The following RELT variants were observed in gnomAD, a reference collection of about 807,000 sequenced individuals.
RELT encodes RELT TNF receptor.
A neutral mutation model predicts 51.1 loss-of-function variants in RELT; 37 were observed. That is an observed-to-expected ratio of 0.72 (90% CI 0.56 to 0.95). The LOEUF is 0.95. Among genes scored for constraint, RELT ranks in the 40% least tolerant of loss-of-function variants. The pLI is 0.00. For synonymous variants in RELT, 241 were observed against 235.7 expected (o/e 1.02, Z -0.21); for missense variants, 535 against 572.6 (o/e 0.93, Z 0.67).
At chr11:73,391,389 C>T (rs946074487) in intron 5 of RELT, among the ~76,000 whole-genome samples, 166 bp downstream of exon 5, 6 of 152,194 alleles carry the variant, frequency 3.9e-5, no homozygotes, top group East Asian at 1.9e-4. Flanking sequence ...CACAGTCAGC[C>T]GCTCCCCTGG....
chr11:73,393,368 C>T (rs1033428147), intron 6 of RELT: 9 of 1,138,284 alleles, frequency 7.9e-6, no homozygotes, highest in Middle Eastern at 8.3e-4. Context: ...CCCATTCTCA[C>T]ACCCTTGAGA....
chr11:73,393,991 C>G, intron 7 of RELT, 74 bp downstream of exon 7: 1 of 1,433,440 alleles, frequency 7.0e-7, no homozygotes, highest in Admixed American at 1.7e-5. Flanking sequence ...GAGGCAGCCG[C>G]GGTGGGCAGA....
chr11:73,391,298 C>T, intron 5 of RELT, 75 bp downstream of exon 5: 1 of 1,375,504 alleles, frequency 7.3e-7, no homozygotes, highest in Non-Finnish European at 1.0e-6. Context: ...GCCCAGCAGC[C>T]TCTGCAGTGT....
chr11:73,380,709 G>A (rs1004044975), intron 1 of RELT, among the ~76,000 whole-genome samples: 2 of 152,200 alleles, frequency 1.3e-5, no homozygotes, highest in Admixed American at 1.3e-4. Flanking sequence ...GGCTGGGCGG[G>A]ACCTGACTAC....
chr11:73,391,044 C>T, intron 4 of RELT, 100 bp from the exon 5 acceptor site: 1 of 1,523,802 alleles, frequency 6.6e-7, no homozygotes. Flanking sequence ...TGGGATGGGG[C>T]AGGACCACGG....
At chr11:73,389,645 A>G (rs1010667836) in intron 2 of RELT, among the ~76,000 whole-genome samples, 2 of 152,220 alleles carry the variant, frequency 1.3e-5, no homozygotes, top group Non-Finnish European at 2.9e-5. Flanking sequence ...GCAAGTCCAC[A>G]TTACAGACTT....
Position 73,394,166 on chromosome 11 carries a change from C to T in RELT, c.707-70C>T. 1 of 1,418,908 alleles carries T rather than the reference C, an allele frequency of 7.0e-7. No homozygotes were observed. Among genetic ancestry groups the T allele is most frequent in the South Asian group, 1.2e-5 (1 of 81,212 alleles). The allele number at this position is 1,418,908 out of a possible 1,614,324, so 87.9% of individuals were successfully genotyped here. ...GTATGGAGGGTAGGTGGGGGGTTCT[C>T]TGCTGGGGCAGGGGGTGGGAGGTGT... On this transcript the variant is annotated intron_variant, in intron 7 of 10. Coordinates refer to ENST00000064780, the MANE Select transcript of RELT (RefSeq NM_152222.2). This position sits in a 1 kb window ranked among gnomAD's most constrained non-coding sequence, Gnocchi z 4.9.
At chr11:73,393,345 C>A in intron 6 of RELT, 1 of 1,119,736 alleles carries the variant, frequency 8.9e-7, no homozygotes, top group South Asian at 2.1e-5. Context: ...GGGCCCAGGG[C>A]TGATCATCGT....
In RELT at chr11:73,394,111, A is replaced by G. The variant is rs766827371; in HGVS notation, c.707-125A>G. 345 of 1,019,012 alleles carry G rather than the reference A, an allele frequency of 3.4e-4. 1 individual carries two copies. The highest frequency in any genetic ancestry group is 4.8e-4 in the Non-Finnish European group (325 of 676,474). The allele number at this position is 1,019,012 out of a possible 1,614,324, so 63.1% of individuals were successfully genotyped here. On this transcript the variant is annotated intron_variant, in intron 7 of 10. Coordinates refer to ENST00000064780, the MANE Select transcript of RELT (RefSeq NM_152222.2). The surrounding 1 kb of genome is among the most constrained non-coding windows in gnomAD (Gnocchi z 4.9). ...ATTCTTGCCTGATGAAGTGGGAGGAAAAGGCGCACAGCCCAGGCTGGGAGT... is the reference window on the plus strand; with the variant it reads ...ATTCTTGCCTGATGAAGTGGGAGGAGAAGGCGCACAGCCCAGGCTGGGAGT...
intron 2 of RELT, among the ~76,000 whole-genome samples, chr11:73,389,654 T>C (rs751166103): frequency 5.3e-5 from 8 of 152,224 alleles, no homozygotes; most frequent in Non-Finnish European, 1.2e-4. Flanking sequence ...CATTACAGAC[T>C]TGCAGCATCT....
Position 73,395,757 on chromosome 11 carries a change from C to T in RELT, c.*266C>T. 1 of 555,508 alleles carries T rather than the reference C, an allele frequency of 1.8e-6. No homozygotes were observed. Among genetic ancestry groups the T allele is most frequent in the Non-Finnish European group, 3.2e-6 (1 of 310,056 alleles). 34.4% of individuals were successfully genotyped at this position (555,508 alleles called of 1,614,324 possible). ...CCTGAAGGATGCCCCGACCCCCGTGCCTGCCCTGGCTGGATCCTAGGAGCC... is the reference window on the plus strand; with the variant it reads ...CCTGAAGGATGCCCCGACCCCCGTGTCTGCCCTGGCTGGATCCTAGGAGCC... On this transcript the variant is annotated 3_prime_UTR_variant, in exon 11 of 11. Coordinates refer to ENST00000064780, the MANE Select transcript of RELT (RefSeq NM_152222.2).
At chr11:73,391,339 GC>G in intron 5 of RELT, 116 bp downstream of exon 5, 2 of 929,534 alleles carry the variant, frequency 2.2e-6, no homozygotes, top group Non-Finnish European at 3.2e-6. Context: ...CCTTCTTCCA[GC>G]CCAGGGCAGG....
At chr11:73,379,445 A>G (rs1565217540) in intron 1 of RELT, among the ~76,000 whole-genome samples, 1 of 152,088 alleles carries the variant, frequency 6.6e-6, no homozygotes, top group Non-Finnish European at 1.5e-5. Context: ...GGAGGGCCCT[A>G]TGTCTAGCCA....
chr11:73,390,974 G>C (rs1404541932), intron 4 of RELT, 53 bp downstream of exon 4: 1 of 1,590,736 alleles, frequency 6.3e-7, no homozygotes, highest in Admixed American at 1.9e-5. Flanking sequence ...CAGGACTCTG[G>C]ATCCTGGGGC....
rs1249209669 is a variant in RELT, at chr11:73,394,490, C to T, written c.802C>T (p.Pro268Ser). ...HRPVSKLPPA[P>S]PNVPHICPHR... ...TGCCCCCTGCAGGCTGCCGCCAGCG[C>T]CCCCGAACGTGCCACACATCTGCCC... is the stretch of plus-strand genomic sequence containing the variant. The change falls in exon 9 of 11, where the codon CCC becomes TCC. Residue 268 changes from proline (P) to serine (S), a missense_variant. By Grantham distance (74) the Pro-to-Ser change is moderately conservative (BLOSUM62 -1). Transcript: ENST00000064780. The surrounding 1 kb of genome is among the most constrained non-coding windows in gnomAD (Gnocchi z 4.9). 3.7e-6 allele frequency: 6 copies of T among 1,609,642 alleles called. No individual in the cohort carries two copies. Among genetic ancestry groups the T allele is most frequent in the East Asian group, 2.2e-5 (1 of 44,844 alleles).
chr11:73,392,324 G>T lies in RELT; in HGVS notation c.481G>T (p.Ala161Ser). ...GGCAGGTGGCCCAGAGGAGACAGCC[G>T]CCCAGTACGCGGTCATCGCCATCGT... is the stretch of plus-strand genomic sequence containing the variant. ...TRAGGPEETA[A>S]QYAVIAIVPV... Residue 161 changes from alanine (A) to serine (S), a missense_variant, in exon 6 of 11, where the codon GCC becomes TCC. By Grantham distance (99) the Ala-to-Ser change is moderately conservative. Transcript: ENST00000064780. 1.2e-6 allele frequency: 2 copies of T among 1,613,662 alleles called. No homozygotes were observed. The highest frequency in any genetic ancestry group is 1.1e-5 in the South Asian group (1 of 91,088).
rs771311652 is a variant in RELT, at chr11:73,388,723, G to A, written c.-25-389G>A. On this transcript the variant is annotated intron_variant, in intron 1 of 10. Coordinates refer to ENST00000064780, the MANE Select transcript of RELT (RefSeq NM_152222.2). The surrounding 1 kb of genome is among the most constrained non-coding windows in gnomAD (Gnocchi z 4.1). ...AGCGCTGGGCTGGAGTGTGGAGGCC[G>A]GGCTGGGGTGTTGGGTGTTGGTTGC... 2.1e-4 allele frequency among the ~76,000 whole-genome samples: 32 copies of A among 152,222 alleles called. No individual in the cohort carries two copies. Among genetic ancestry groups the A allele is most frequent in the Admixed American group, 7.9e-4 (12 of 15,286 alleles).
rs973109773 is a variant in RELT at position 73,397,068 on chromosome 11, A to G, written c.*1577A>G. 6.6e-6 allele frequency: 1 copy of G among 152,210 alleles called. No individual in the cohort carries two copies. The highest frequency in any genetic ancestry group is 6.5e-5 in the Admixed American group (1 of 15,282). 9.4% of individuals were successfully genotyped at this position (152,210 alleles called of 1,614,324 possible). ...CTTACACATCTTGATTGGAACTCAA[A>G]TATTTCAAGGGCTCCATAGCCACGT... is the stretch of plus-strand genomic sequence containing the variant. On this transcript the variant is annotated 3_prime_UTR_variant, in exon 11 of 11. Coordinates refer to ENST00000064780, the MANE Select transcript of RELT (RefSeq NM_152222.2).
rs761316984 is a variant in RELT at position 73,390,933 on chromosome 11, G to A, written c.287+12G>A. On this transcript the variant is annotated intron_variant, in intron 4 of 10. Transcript: ENST00000064780. ...GACTGCTGGCCTGGGTAAGCCAAAG[G>A]GAGTGCGGGGAGGGCTCCTGGCTGG... 1.3e-5 allele frequency: 21 copies of A among 1,607,966 alleles called. No individual in the cohort carries two copies. The highest frequency in any genetic ancestry group is 1.7e-4 in the Middle Eastern group (1 of 6,054).
Sources: allele counts gnomAD v4.1 joint callset (sites outside exome capture counted in the v4.1 genomes callset), GRCh38; gene constraint gnomAD v4.1.1; non-coding constraint Gnocchi (gnomAD v3.1); transcripts MANE v1.5; gene names NCBI Gene and HGNC (gene_info 2026-07-23, HGNC 2026-07-21).